The following EVC2 variants were observed in gnomAD, a reference collection of about 807,000 sequenced individuals.
EVC2 encodes limbin.
A neutral mutation model predicts 149.3 loss-of-function variants in EVC2; 148 were observed. The ratio of observed to expected loss-of-function variants is 0.99; its 90% CI spans 0.87 to 1.14. EVC2 has a LOEUF of 1.14. Among genes scored for constraint, EVC2 ranks in the 50% most tolerant of loss-of-function variants. The pLI, the probability that EVC2 is intolerant of heterozygous loss-of-function variation, is 0.00. For synonymous variants in EVC2, 776 were observed against 649.9 expected (o/e 1.19, Z -2.95); for missense variants, 1,854 against 1,627.3 (o/e 1.14, Z -2.40).
intron 4 of EVC2, 57 bp downstream of exon 4, chr4:5,691,207 GA>G: frequency 6.8e-7 from 1 of 1,479,856 alleles, no homozygotes; most frequent in South Asian, 1.1e-5. Flanking sequence ...CTAATAAAAT[GA>G]TCTGGGCAAA....
chr4:5,615,213 G>A (rs1233249875), intron 16 of EVC2, among the ~76,000 whole-genome samples: 1 of 152,180 alleles, frequency 6.6e-6, no homozygotes, highest in African/African-American at 2.4e-5. Flanking sequence ...GAGAAGTGGA[G>A]GGAGAGGGTT....
At chr4:5,654,639 A>G (rs1718381688) in intron 9 of EVC2, among the ~76,000 whole-genome samples, 1 of 152,064 alleles carries the variant, frequency 6.6e-6, no homozygotes, top group Admixed American at 6.5e-5. Context: ...TGAATTCCAC[A>G]CTGTGCCTGG....
intron 19 of EVC2, among the ~76,000 whole-genome samples, chr4:5,568,988 C>T (rs1048485431): frequency 3.3e-5 from 5 of 152,310 alleles, no homozygotes; most frequent in South Asian, 2.1e-4. Flanking sequence ...AGGCACCAGG[C>T]GAGCAGTGCA....
At chr4:5,538,022 A>T (rs571796697), downstream of EVC2, among the ~76,000 whole-genome samples, 1 of 152,098 alleles carries the variant, frequency 6.6e-6, no homozygotes, top group South Asian at 2.1e-4. Context: ...AAGATCAGTA[A>T]AATTGATAAA....
chr4:5,648,021 C>CT (rs937862990), intron 9 of EVC2, among the ~76,000 whole-genome samples: 7 of 151,284 alleles, frequency 4.6e-5, no homozygotes, highest in Admixed American at 4.0e-4. Flanking sequence ...AAGCTGACGT[C>CT]TTTTTTTTTA....
intron 17 of EVC2, among the ~76,000 whole-genome samples, chr4:5,583,191 A>T (rs776185317): frequency 6.6e-6 from 1 of 152,200 alleles, no homozygotes; most frequent in Non-Finnish European, 1.5e-5. Context: ...AACCAACCTT[A>T]TATTTCTAGA....
rs762450512 is a variant in EVC2, at chr4:5,628,660, C to G, written c.1785G>C (p.Arg595Ser). 6.8e-6 allele frequency: 11 copies of G among 1,613,782 alleles called. 1 individual carries two copies. In the South Asian group the frequency reaches 1.2e-4, roughly 18 times the overall value. ...RYHLSKRFGH[R>S]EYLVQNLQSS... Reference sequence around the variant, plus strand: ...ACTGGAGGTTCTGGACCAGATATTCCCTGTGGCCAAATCTTTTACTTAGAT... The same window carrying G: ...ACTGGAGGTTCTGGACCAGATATTCGCTGTGGCCAAATCTTTTACTTAGAT... The change falls in exon 12 of 22, where the codon AGG becomes AGC. Residue 595 changes from arginine to serine, a missense_variant. Physicochemically the swap from Arg to Ser is moderately radical, Grantham distance 110. Coordinates refer to ENST00000344408, the MANE Select transcript of EVC2 (RefSeq NM_147127.5).
intron 13 of EVC2, among the ~76,000 whole-genome samples, chr4:5,624,627 A>G (rs1715970004): frequency 6.6e-6 from 1 of 152,188 alleles, no homozygotes; most frequent in African/African-American, 2.4e-5. Context: ...TGTGGAGTCT[A>G]TCCTTCTTTC....
chr4:5,537,889 G>A (rs1721449387), downstream of EVC2, among the ~76,000 whole-genome samples: 1 of 151,986 alleles, frequency 6.6e-6, no homozygotes, highest in Non-Finnish European at 1.5e-5. Context: ...AAAAAAAGGA[G>A]AGCATCTTAA....
Position 5,657,743 on chromosome 4 carries a change from A to AG in EVC2, c.1145+5363dup, listed in dbSNP as rs1718619931. 3.0e-5 allele frequency among the ~76,000 whole-genome samples: 2 copies of AG among 65,598 alleles called. No individual in the cohort carries two copies. The highest frequency in any genetic ancestry group is 6.2e-5 in the Non-Finnish European group (2 of 32,076). 43.0% of individuals were successfully genotyped at this position (65,598 alleles called of 152,430 possible). A position where few individuals can be genotyped will look rare whatever the true frequency, so the allele number is the denominator to read the frequency against. On this transcript the variant is annotated intron_variant, in intron 9 of 21. Transcript: ENST00000344408. This position sits in a 1 kb window ranked among gnomAD's most constrained non-coding sequence, Gnocchi z 4.7. The stretch of plus-strand genomic sequence containing the variant: ...AAATACAACAACATTAATTTGAAAA[A>AG]GAAAAAAAAAAAAGGTAGTTTCCGG...
chr4:5,596,139 T>C (rs1287359508), intron 16 of EVC2, among the ~76,000 whole-genome samples: 1 of 152,156 alleles, frequency 6.6e-6, no homozygotes, highest in Non-Finnish European at 1.5e-5. Context: ...AACACCCCAC[T>C]GTCAACATTA....
At chr4:5,564,663 G>A (rs1232731834) in intron 21 of EVC2, among the ~76,000 whole-genome samples, 7 of 152,158 alleles carry the variant, frequency 4.6e-5, no homozygotes, top group Admixed American at 4.6e-4. Flanking sequence ...TTCTCTAGCT[G>A]GAATCACAGA....
At chr4:5,628,967 A>T (rs1309533991) in intron 11 of EVC2, among the ~76,000 whole-genome samples, 2 of 152,232 alleles carry the variant, frequency 1.3e-5, no homozygotes, top group Non-Finnish European at 2.9e-5. Flanking sequence ...GTAAAGAGTT[A>T]TCAGAACAAC....
At chr4:5,707,039 G>A (rs1347045094) in intron 1 of EVC2, among the ~76,000 whole-genome samples, 3 of 152,150 alleles carry the variant, frequency 2.0e-5, no homozygotes, top group Non-Finnish European at 4.4e-5. Flanking sequence ...TTCCCAGAAG[G>A]AAGAGCTTGT....
chr4:5,540,478 C>T (rs990918824), downstream of EVC2, among the ~76,000 whole-genome samples: 1 of 152,196 alleles, frequency 6.6e-6, no homozygotes, highest in Non-Finnish European at 1.5e-5. Context: ...ATCCATACTG[C>T]TCTGCAATTA....
At chr4:5,642,472 G>A (rs192608544) in intron 9 of EVC2, among the ~76,000 whole-genome samples, 9 of 152,192 alleles carry the variant, frequency 5.9e-5, no homozygotes, top group African/African-American at 1.9e-4. Context: ...TTTATCATGT[G>A]ATAGACCACC....
At chr4:5,707,194 C>A (rs1722260567) in intron 1 of EVC2, among the ~76,000 whole-genome samples, 1 of 152,166 alleles carries the variant, frequency 6.6e-6, no homozygotes, top group South Asian at 2.1e-4. Flanking sequence ...AGGGCAGATG[C>A]AAGTGAAAGG....
rs1478551429 is a variant in EVC2, at chr4:5,618,138, G to A, written c.2706+340C>T. On this transcript the variant is annotated intron_variant, in intron 15 of 21. Transcript: ENST00000344408. The surrounding 1 kb of genome is among the most constrained non-coding windows in gnomAD (Gnocchi z 4.4). ...GTACCCAGAGTCAGTCATTAGCTGT[G>A]GCTGGAGGAGGGGGCAGGAGAGACA... Among the ~76,000 whole-genome samples, 1 of 152,166 alleles carries A rather than the reference G, an allele frequency of 6.6e-6. No homozygotes were observed. Among genetic ancestry groups the A allele is most frequent in the Non-Finnish European group, 1.5e-5 (1 of 68,024 alleles).
chr4:5,669,750 G>A (rs10516175), intron 7 of EVC2, among the ~76,000 whole-genome samples: 14,347 of 152,194 alleles, frequency 0.094, 744 homozygotes, highest in East Asian at 0.12. Context: ...ACTTTCCTTT[G>A]GCCACAAGGG....
Sources: gnomAD v4.1 joint callset for allele counts (sites outside exome capture counted in the v4.1 genomes callset) on GRCh38, gnomAD v4.1.1 for gene constraint, Gnocchi (gnomAD v3.1) non-coding constraint, MANE v1.5 for transcripts, NCBI Gene and HGNC (gene_info 2026-07-23, HGNC 2026-07-21) for gene names.